SMTN: variants seen among roughly 807,000 people sequenced by gnomAD.
SMTN encodes smoothelin.
Under a neutral mutation model 102.0 loss-of-function variants are expected in SMTN, and 58 were observed. The ratio of observed to expected loss-of-function variants is 0.57; its 90% confidence interval spans 0.46 to 0.71. SMTN has a LOEUF of 0.71. SMTN is among the 30% of genes least tolerant of loss of function. The probability of loss-of-function intolerance (pLI) is 0.00; values close to 1 mark genes in which losing one functional copy is unlikely to be tolerated. For synonymous variants in SMTN, 478 were observed against 497.9 expected, an observed-to-expected ratio of 0.96 and a Z score of 0.53; for missense variants, 1,185 against 1,241.7, an observed-to-expected ratio of 0.95 and a Z score of 0.69.
intron 1 of SMTN, among the ~76,000 whole-genome samples, chr22:31,072,824 T>C (rs1216511333): frequency 6.6e-6 from 1 of 151,488 alleles, no homozygotes; most frequent in Non-Finnish European, 1.5e-5. Flanking sequence ...CAGTGGGCAA[T>C]CTCTGCTTAC....
At chr22:31,099,473 T>C (rs2043900915) in intron 18 of SMTN, 1 of 583,540 alleles carries the variant, frequency 1.7e-6, no homozygotes, top group Non-Finnish European at 3.0e-6. Flanking sequence ...CCTGAGTCAA[T>C]TTCTCTAAAT....
At chr22:31,092,037 A>T (rs2043182255) in intron 11 of SMTN, among the ~76,000 whole-genome samples, 190 bp downstream of exon 11, 1 of 152,206 alleles carries the variant, frequency 6.6e-6, no homozygotes, top group Non-Finnish European at 1.5e-5. Context: ...AGACCCTAGC[A>T]TATCAGTCCC....
intron 1 of SMTN, chr22:31,065,924 G>A (rs2041838727): frequency 6.6e-6 from 1 of 152,224 alleles, no homozygotes; most frequent in Non-Finnish European, 1.5e-5. Flanking sequence ...ACAAACTAGG[G>A]TTGTTCATTC....
At position 31,095,978 on chromosome 22, in the gene SMTN, T is replaced by A; in HGVS notation, c.1861+369T>A. The A allele has an allele frequency of 2.9e-6, 1 of 342,806 alleles. No homozygotes were observed. The highest frequency in any genetic ancestry group is 2.9e-5 in the South Asian group (1 of 34,680). 21.2% of individuals were successfully genotyped at this position (342,806 alleles called of 1,614,324 possible). A position where few individuals can be genotyped will look rare whatever the true frequency, so the allele number is the denominator to read the frequency against. ...GCTGCTCCTCTCTCCCTGAAGTCCA[T>A]TGATGGCCATCTTAGCCTCTGCCCC... On this transcript the variant is annotated intron_variant, in intron 13 of 20. Transcript: ENST00000333137. This position sits in a 1 kb window ranked among gnomAD's most constrained non-coding sequence, Gnocchi z 4.1.
intron 1 of SMTN, among the ~76,000 whole-genome samples, chr22:31,070,223 G>A (rs950770887): frequency 3.3e-5 from 5 of 152,140 alleles, no homozygotes; most frequent in Non-Finnish European, 5.9e-5. Flanking sequence ...CCAGCTTCAC[G>A]TAATGAAGGG....
chr22:31,080,370 C>T (rs2147524139), upstream of SMTN: 1 of 152,340 alleles, frequency 6.6e-6, no homozygotes, highest in Non-Finnish European at 1.5e-5. Context: ...GTCATGGTCT[C>T]ATGTGCTTGT....
At position 31,096,824 on chromosome 22, in the gene SMTN, G is replaced by A. The variant is rs765718791; in HGVS notation, c.1953G>A (p.Thr651=). 1.1e-5 allele frequency: 17 copies of A among 1,574,838 alleles called. No homozygotes were observed. The highest frequency in any genetic ancestry group is 1.3e-5 in the African/African-American group (1 of 74,154). The change falls in exon 14 of 21, where the codon ACG becomes ACA. Residue 651 remains threonine, a synonymous_variant. Transcript: ENST00000333137. ...GCAACACAGCCACTGAGACCACCACGAGGCACAGCCAGCGGGCAGCTGATG... is the reference window on the plus strand; with the variant it reads ...GCAACACAGCCACTGAGACCACCACAAGGCACAGCCAGCGGGCAGCTGATG... ...GRGNTATETT[T]RHSQRAADGS...
chr22:31,094,013 C>T, intron 11 of SMTN: 1 of 675,764 alleles, frequency 1.5e-6, no homozygotes, highest in South Asian at 2.0e-5. Context: ...TGCTCTAAGA[C>T]TAGGGCAAGA....
intron 1 of SMTN, among the ~76,000 whole-genome samples, chr22:31,070,804 A>G (rs1426416919): frequency 2.0e-5 from 3 of 151,834 alleles, no homozygotes; most frequent in Admixed American, 6.6e-5. Context: ...GGAGCCTGTA[A>G]TCCCAGCTAC....
chr22:31,073,803 A>G (rs2042064654), intron 1 of SMTN, among the ~76,000 whole-genome samples: 1 of 152,228 alleles, frequency 6.6e-6, no homozygotes, highest in Admixed American at 6.5e-5. Context: ...TCAAGATTTC[A>G]TGGATTGGCA....
chr22:31,080,066 G>A (rs1158999483), upstream of SMTN, among the ~76,000 whole-genome samples: 3 of 152,330 alleles, frequency 2.0e-5, no homozygotes, highest in African/African-American at 2.4e-5. Flanking sequence ...CCTGGCCCGT[G>A]CCTTGGTTTT....
At chr22:31,090,330 T>A (rs2043029657) in intron 8 of SMTN, 150 bp downstream of exon 8, 1 of 647,350 alleles carries the variant, frequency 1.5e-6, no homozygotes, top group Non-Finnish European at 2.6e-6. Context: ...CCCTGAAGTG[T>A]CCCCGCCCCC....
Position 31,100,901 on chromosome 22 carries a change from C to T in SMTN, c.2620C>T (p.Pro874Ser), listed in dbSNP as rs769230237. ...FSSAETHADC[P>S]QLLDTEDMVR... ...CCTCCCCAGGACCCATGCGGACTGC[C>T]CGCAGCTCCTGGATACAGAGGACAT... The change falls in exon 20 of 21, where the codon CCG (proline) becomes TCG (serine). Residue 874 changes from proline to serine, a missense_variant. By Grantham distance (74) the Pro-to-Ser change is moderately conservative (BLOSUM62 -1). Transcript: ENST00000333137. 3 of 1,606,206 alleles carry T rather than the reference C, an allele frequency of 1.9e-6. No individual in the cohort carries two copies. Among genetic ancestry groups the T allele is most frequent in the Non-Finnish European group, 2.5e-6 (3 of 1,177,472 alleles).
intron 1 of SMTN, chr22:31,067,231 C>T (rs1205061094): frequency 6.6e-6 from 1 of 151,458 alleles, no homozygotes; most frequent in Non-Finnish European, 1.5e-5. Context: ...CACACACCAC[C>T]ATGACCAGAA....
chr22:31,101,316 G>GA, intron 20 of SMTN: 3 of 415,454 alleles, frequency 7.2e-6, no homozygotes, highest in Non-Finnish European at 1.3e-5. Context: ...CCCCCCATCT[G>GA]AAAAAAGTGC....
Position 31,097,250 on chromosome 22 carries a change from C to T in SMTN, c.2090-19C>T, listed in dbSNP as rs368366420. ...TCCAGCCCAGGCCCTCACCTGGTGC[C>T]CCTTCCCCTTTTTTGCAGATGGCAG... On this transcript the variant is annotated intron_variant, in intron 15 of 20. Coordinates refer to ENST00000333137, the MANE Select transcript of SMTN (RefSeq NM_134269.3). 1.9e-5 allele frequency: 31 copies of T among 1,613,576 alleles called. No homozygotes were observed. Among genetic ancestry groups the T allele is most frequent in the Non-Finnish European group, 2.6e-5 (31 of 1,179,554 alleles).
intron 20 of SMTN, chr22:31,103,211 T>C (rs2044235496): frequency 1.3e-5 from 2 of 152,114 alleles, no homozygotes; most frequent in Admixed American, 1.3e-4. Flanking sequence ...GAGGTGGTCT[T>C]GGGTTCTCAG....
At position 31,091,472 on chromosome 22, in the gene SMTN, C is replaced by G; in HGVS notation, c.1449C>G (p.Asn483Lys). 6.6e-7 allele frequency: 1 copy of G among 1,520,042 alleles called. No homozygotes were observed. Among genetic ancestry groups the G allele is most frequent in the South Asian group, 1.3e-5 (1 of 76,048 alleles). 94.2% of individuals were successfully genotyped at this position (1,520,042 alleles called of 1,614,324 possible). A position where few individuals can be genotyped will look rare whatever the true frequency, so the allele number is the denominator to read the frequency against. ...GCCGGGTGCTGCTGCCCACAGGCAA[C>G]CAGAGGGCAGGTAGGCGCCCCCCAC... Reference protein sequence around the residue: ...STGRVLLPTGNQRAELTLGLR... With the variant: ...STGRVLLPTGKQRAELTLGLR... Residue 483 changes from asparagine to lysine, a missense_variant, in exon 10 of 21, where the codon AAC becomes AAG. Physicochemically the swap from Asn to Lys is moderately conservative, Grantham distance 94. This residue lies in a region of SMTN where 1,096 missense variants were observed against 1,112.7 expected (regional missense o/e 0.98). Coordinates refer to ENST00000333137, the MANE Select transcript of SMTN (RefSeq NM_134269.3).
At chr22:31,093,391 G>A (rs2147726249) in intron 11 of SMTN, 1 of 408,850 alleles carries the variant, frequency 2.4e-6, no homozygotes, top group Middle Eastern at 7.9e-4. Flanking sequence ...CTCAGCCAGA[G>A]ACAGCAGCCC....
Sources: gnomAD v4.1 joint callset for allele counts (sites outside exome capture counted in the v4.1 genomes callset) on GRCh38, gnomAD v4.1.1 for gene constraint, gnomAD v4.1.1 regional missense constraint, Gnocchi (gnomAD v3.1) non-coding constraint, MANE v1.5 for transcripts, NCBI Gene and HGNC (gene_info 2026-07-23, HGNC 2026-07-21) for gene names.